ADGRL2: variants seen among roughly 807,000 people sequenced by gnomAD.
The protein encoded by ADGRL2 is adhesion G protein-coupled receptor L2.
A neutral mutation model predicts 157.4 loss-of-function variants in ADGRL2; 44 were observed. The observed-to-expected ratio is 0.28, with a 90% CI of 0.22 to 0.36. ADGRL2 has a LOEUF of 0.36. ADGRL2 is among the 10% of genes least tolerant of loss of function. ADGRL2 has a pLI of 1.00. For synonymous variants in ADGRL2, 585 were observed against 624.7 expected, an observed-to-expected ratio of 0.94 and a Z score of 0.95; for missense variants, 1,510 against 1,768.9, an observed-to-expected ratio of 0.85 and a Z score of 2.63.
chr1:81,537,272 CT>C (rs1023209073), intron 2 of ADGRL2, among the ~76,000 whole-genome samples: 2 of 151,762 alleles, frequency 1.3e-5, no homozygotes, highest in African/African-American at 2.4e-5. Context: ...ATGACTATTT[CT>C]TTTTTTTGTT....
intron 2 of ADGRL2, among the ~76,000 whole-genome samples, chr1:81,491,442 C>CAA (rs145421591): frequency 0.15 from 21,987 of 149,266 alleles, 2,942 homozygotes; most frequent in African/African-American, 0.36. Flanking sequence ...TACTCTGCTT[C>CAA]AAAAAAAAAG....
At chr1:81,649,101 G>C (rs2082364821) in intron 3 of ADGRL2, among the ~76,000 whole-genome samples, 1 of 152,034 alleles carries the variant, frequency 6.6e-6, no homozygotes, top group South Asian at 2.1e-4. Flanking sequence ...AGTTCATTTT[G>C]GAACTCTCCC....
intron 2 of ADGRL2, among the ~76,000 whole-genome samples, chr1:81,770,981 C>T (rs560535196): frequency 2.6e-5 from 4 of 152,092 alleles, no homozygotes; most frequent in East Asian, 1.9e-4. Flanking sequence ...TCAAAACTTA[C>T]GTGTATTTTC....
At chr1:81,478,656 G>A (rs991142937) in intron 2 of ADGRL2, among the ~76,000 whole-genome samples, 8 of 152,228 alleles carry the variant, frequency 5.3e-5, no homozygotes, top group East Asian at 1.9e-4. Flanking sequence ...ATTTGTAGTC[G>A]TCTTATTAAT....
chr1:81,979,648 A>G (rs1009390976), intron 17 of ADGRL2, among the ~76,000 whole-genome samples: 2 of 151,790 alleles, frequency 1.3e-5, no homozygotes, highest in Non-Finnish European at 3.0e-5. Flanking sequence ...TTACCACATA[A>G]TACTGACTTA....
At chr1:81,743,229 A>G (rs1308928209) in intron 1 of ADGRL2, among the ~76,000 whole-genome samples, 1 of 151,966 alleles carries the variant, frequency 6.6e-6, no homozygotes, top group African/African-American at 2.4e-5. Flanking sequence ...CAAGTTAAAG[A>G]AGTAAAGAAT....
rs562492369 is a variant in ADGRL2 at position 81,860,857 on chromosome 1, T to C, written c.73+23800T>C. 1.9e-4 allele frequency among the ~76,000 whole-genome samples: 29 copies of C among 152,322 alleles called. 1 individual carries two copies. Among genetic ancestry groups the C allele is most frequent in the African/African-American group, 4.8e-4 (20 of 41,582 alleles). ...TTCCTTGCCTTTAGTTTTCTTTTTA[T>C]TCTTTATTGTTTTCATTTTATCTTA... On this transcript the variant is annotated intron_variant, in intron 2 of 23. Transcript: ENST00000686636.
chr1:81,681,635 T>C (rs1400455668), intron 3 of ADGRL2, among the ~76,000 whole-genome samples: 1 of 152,218 alleles, frequency 6.6e-6, no homozygotes, highest in Non-Finnish European at 1.5e-5. Flanking sequence ...AACTTGTTTC[T>C]GGAATGCAGC....
At chr1:81,928,919 A>G (rs1241035845) in intron 3 of ADGRL2, among the ~76,000 whole-genome samples, 1 of 152,168 alleles carries the variant, frequency 6.6e-6, no homozygotes, top group African/African-American at 2.4e-5. Context: ...AAAAAGTCTT[A>G]CCATTGCTAG....
At chr1:81,571,117 G>A (rs1220424057) in intron 2 of ADGRL2, among the ~76,000 whole-genome samples, 1 of 152,026 alleles carries the variant, frequency 6.6e-6, no homozygotes, top group South Asian at 2.1e-4. Flanking sequence ...CTGAGGTCAG[G>A]AGTTGGAGAC....
intron 2 of ADGRL2, among the ~76,000 whole-genome samples, chr1:81,539,149 C>A (rs1459495336): frequency 6.6e-6 from 1 of 151,816 alleles, no homozygotes; most frequent in Non-Finnish European, 1.5e-5. Context: ...AGGTTTTTAT[C>A]AAGAAATGTC....
chr1:81,768,535 A>G lies in ADGRL2; in HGVS notation c.-101+6683A>G, dbSNP rs1157432609. 2.0e-5 allele frequency among the ~76,000 whole-genome samples: 3 copies of G among 150,292 alleles called. No homozygotes were observed. In the East Asian group the frequency reaches 5.9e-4, roughly 30 times the overall value. On this transcript the variant is annotated intron_variant, in intron 2 of 20. Coordinates refer to the ADGRL2 transcript ENST00000359929. ...ATTGCCCAGGCTGGAGTGCAGTGGT[A>G]CAATCACAGCTCACTTCAGCCTCAA... is the stretch of plus-strand genomic sequence containing the variant.
At chr1:81,498,446 G>T (rs2078774700) in intron 2 of ADGRL2, among the ~76,000 whole-genome samples, 1 of 152,128 alleles carries the variant, frequency 6.6e-6, no homozygotes, top group African/African-American at 2.4e-5. Context: ...TTTCATCAAG[G>T]CTTAATCAGA....
chr1:81,512,156 A>G (rs535631155), intron 2 of ADGRL2, among the ~76,000 whole-genome samples: 1 of 152,336 alleles, frequency 6.6e-6, no homozygotes, highest in South Asian at 2.1e-4. Context: ...GTTTCACATC[A>G]ATTAAAAAAA....
In ADGRL2 at chr1:81,385,911, C is replaced by G. The variant is rs553544829; in HGVS notation, c.-301-59125C>G. On this transcript the variant is annotated intron_variant, in intron 1 of 24. Coordinates refer to the ADGRL2 transcript ENST00000370721. ...ATAATTCCTAAAGAAAATGAAAGGT[C>G]TTTAGAAACCAGGAAAATAAGTGTT... Among the ~76,000 whole-genome samples the G allele has an allele frequency of 2.1e-3, 319 of 152,050 alleles. 1 individual carries two copies. Among genetic ancestry groups the G allele is most frequent in the Non-Finnish European group, 4.0e-3 (274 of 67,926 alleles).
intron 2 of ADGRL2, among the ~76,000 whole-genome samples, chr1:81,511,210 G>A (rs1244068615): frequency 1.3e-5 from 2 of 151,332 alleles, no homozygotes; most frequent in African/African-American, 4.9e-5. Context: ...TTCTAAAACC[G>A]GTACCTTGGA....
In ADGRL2 at chr1:81,968,046, A is replaced by G. The variant is rs761550928; in HGVS notation, c.2370A>G (p.Ala790=). ...CCCAGCCTGACAATTATTTCAATGC[A>G]AACTGCTCCTTCTGGAACTACTCAG... The part of the protein sequence containing the change: ...PHIDPDNYFN[A]NCSFWNYSER... The change falls in exon 14 of 24, where the codon GCA becomes GCG. Residue 790 remains alanine, a synonymous_variant. Coordinates refer to ENST00000686636, the MANE Select transcript of ADGRL2 (RefSeq NM_001366006.2). 2.9e-5 allele frequency: 46 copies of G among 1,613,904 alleles called. No homozygotes were observed. In the South Asian group the frequency reaches 4.2e-4, roughly 15 times the overall value.
intron 2 of ADGRL2, among the ~76,000 whole-genome samples, chr1:81,848,199 A>G (rs1335358359): frequency 2.0e-5 from 3 of 151,890 alleles, no homozygotes; most frequent in Non-Finnish European, 4.4e-5. Flanking sequence ...TTATTTCTTA[A>G]TGAATTTTAT....
At chr1:81,858,953 T>G (rs1302780138) in intron 2 of ADGRL2, among the ~76,000 whole-genome samples, 1 of 152,206 alleles carries the variant, frequency 6.6e-6, no homozygotes, top group Non-Finnish European at 1.5e-5. Flanking sequence ...TTATTATTTA[T>G]TTTTACTACA....
Sources: gnomAD v4.1 joint callset for allele counts (sites outside exome capture counted in the v4.1 genomes callset) on GRCh38, gnomAD v4.1.1 for gene constraint, MANE v1.5 for transcripts, NCBI Gene and HGNC (gene_info 2026-07-23, HGNC 2026-07-21) for gene names.